Variants in ARHGEF4 observed in about 807,000 individuals in gnomAD.
ARHGEF4 encodes APC-stimulated guanine nucleotide exchange factor 1.
A neutral mutation model predicts 162.0 loss-of-function variants in ARHGEF4; 119 were observed. That is an observed-to-expected ratio of 0.73 (90% CI 0.63 to 0.86). The LOEUF (loss-of-function observed/expected upper bound fraction) is 0.86, where lower values mean the gene tolerates loss of function less well. Among genes scored for constraint, ARHGEF4 ranks in the 40% least tolerant of loss-of-function variants. The pLI, the probability that ARHGEF4 is intolerant of heterozygous loss-of-function variation, is 0.00. For missense variants in ARHGEF4, 2,488 were observed against 2,456.0 expected (o/e 1.01, Z -0.28); for synonymous variants, 1,014 against 979.9 (o/e 1.03, Z -0.65).
chr2:131,040,341 C>T lies in ARHGEF4; in HGVS notation c.4563C>T (p.Asp1521=). Reference sequence around the variant, plus strand: ...GTACCATCTTCGGGAACATCGAGGACATCTACCGCTGCCAGAAGGCCTTCG... The same window carrying T: ...GTACCATCTTCGGGAACATCGAGGATATCTACCGCTGCCAGAAGGCCTTCG... ...QLRTIFGNIE[D]IYRCQKAFVK... Residue 1521 remains aspartate, a synonymous_variant, in exon 8 of 14, where the codon GAC becomes GAT. Coordinates refer to ENST00000409359, the MANE Select transcript of ARHGEF4 (RefSeq NM_001367493.1). 6.2e-7 allele frequency: 1 copy of T among 1,612,492 alleles called. No homozygotes were observed. The highest frequency in any genetic ancestry group is 8.5e-7 in the Non-Finnish European group (1 of 1,179,698).
At chr2:130,985,595 T>C (rs1381506973) in intron 4 of ARHGEF4, among the ~76,000 whole-genome samples, 1 of 152,112 alleles carries the variant, frequency 6.6e-6, no homozygotes, top group Non-Finnish European at 1.5e-5. Context: ...TTTCAGTTCT[T>C]TGATACTTCC....
chr2:130,966,928 C>A (rs1200899892), intron 4 of ARHGEF4, among the ~76,000 whole-genome samples: 2 of 152,220 alleles, frequency 1.3e-5, no homozygotes, highest in African/African-American at 4.8e-5. Context: ...AGTCTAACGG[C>A]TGAGACAAAG....
chr2:130,908,944 G>A (rs1370889352), intron 1 of ARHGEF4, among the ~76,000 whole-genome samples: 1 of 152,180 alleles, frequency 6.6e-6, no homozygotes, highest in Non-Finnish European at 1.5e-5. Flanking sequence ...AACATCATAT[G>A]CCCTGAGGGA....
chr2:130,875,789 C>G (rs6430389), intron 1 of ARHGEF4, among the ~76,000 whole-genome samples: 11,562 of 152,180 alleles, frequency 0.076, 701 homozygotes, highest in African/African-American at 0.17. Context: ...AGTCTCATTT[C>G]TCTCCCTCCC....
At chr2:130,884,447 G>A (rs1333133923) in intron 1 of ARHGEF4, among the ~76,000 whole-genome samples, 1 of 152,088 alleles carries the variant, frequency 6.6e-6, no homozygotes, top group Non-Finnish European at 1.5e-5. Context: ...ATGTCTCAGT[G>A]TATTGTTTTG....
chr2:130,957,895 A>AT (rs374950342), intron 4 of ARHGEF4, among the ~76,000 whole-genome samples: 11 of 151,590 alleles, frequency 7.3e-5, no homozygotes, highest in Admixed American at 4.6e-4. Context: ...ATAAATTCCT[A>AT]TTTTTTTTAT....
At position 131,040,069 on chromosome 2, in the gene ARHGEF4, C is replaced by CAGCGG; in HGVS notation, c.4367_4371dup (p.Asp1458ArgfsTer75). 1 of 1,597,960 alleles carries CAGCGG rather than the reference C, an allele frequency of 6.3e-7. No homozygotes were observed. Among genetic ancestry groups the CAGCGG allele is most frequent in the Non-Finnish European group, 8.5e-7 (1 of 1,172,776 alleles). ...ATGACGACGCCCCTCTGGCCGGGAA[C>CAGCGG]AGCGGAGCGGAGGACGGCGGGGCGG... On this transcript the variant is annotated frameshift_variant, in exon 7 of 14. Coordinates refer to ENST00000409359, the MANE Select transcript of ARHGEF4 (RefSeq NM_001367493.1). LOFTEE classifies it high-confidence loss of function.
chr2:130,918,337 C>T (rs1465778638), intron 2 of ARHGEF4, among the ~76,000 whole-genome samples: 1 of 152,202 alleles, frequency 6.6e-6, no homozygotes. Flanking sequence ...TTAGCAGGGT[C>T]AGGCACAGAA....
intron 3 of ARHGEF4, among the ~76,000 whole-genome samples, chr2:130,933,144 G>A (rs989545557): frequency 4.6e-5 from 7 of 151,938 alleles, no homozygotes; most frequent in Admixed American, 3.3e-4. Flanking sequence ...GAACCTGGGA[G>A]GCAGAGGTCA....
intron 1 of ARHGEF4, among the ~76,000 whole-genome samples, chr2:130,846,472 G>T (rs1680969636): frequency 6.6e-6 from 1 of 152,210 alleles, no homozygotes; most frequent in South Asian, 2.1e-4. Flanking sequence ...GCACCCCCAG[G>T]CCAGCGCCCT....
intron 4 of ARHGEF4, among the ~76,000 whole-genome samples, chr2:130,994,885 C>A (rs1424180630): frequency 1.3e-5 from 2 of 152,172 alleles, no homozygotes; most frequent in East Asian, 3.8e-4. Flanking sequence ...ATTTCCATTG[C>A]TTCTGTTGAA....
chr2:130,886,850 T>C lies in ARHGEF4; in HGVS notation c.40-27136T>C, dbSNP rs553989374. Among the ~76,000 whole-genome samples, 12 of 152,116 alleles carry C rather than the reference T, an allele frequency of 7.9e-5. 3 individuals are homozygous for C. The highest frequency in any genetic ancestry group is 2.9e-4 in the African/African-American group (12 of 41,390). On this transcript the variant is annotated intron_variant, in intron 1 of 13. Transcript: ENST00000409359. ...AGTCACTTTTGGTAATTTTTTTTTTTGTAGATGGATATACAGTGTGTCCAG... is the reference window on the plus strand; with the variant it reads ...AGTCACTTTTGGTAATTTTTTTTTTCGTAGATGGATATACAGTGTGTCCAG...
intron 1 of ARHGEF4, among the ~76,000 whole-genome samples, chr2:130,842,352 G>A (rs531958326): frequency 1.3e-5 from 2 of 152,296 alleles, no homozygotes; most frequent in African/African-American, 4.8e-5. Flanking sequence ...TGTATAATGC[G>A]CCAGTCTGCA....
intron 4 of ARHGEF4, among the ~76,000 whole-genome samples, chr2:131,019,644 G>GTTTTTGT (rs147597527): frequency 7.9e-5 from 12 of 150,950 alleles, no homozygotes; most frequent in East Asian, 4.0e-4. Flanking sequence ...TTTTGTTTTT[G>GTTTTTGT]TTTTTTTGAG....
chr2:130,983,054 T>C (rs763074904), intron 4 of ARHGEF4, among the ~76,000 whole-genome samples: 7 of 152,214 alleles, frequency 4.6e-5, no homozygotes, highest in Non-Finnish European at 1.0e-4. Flanking sequence ...AAAGCTTTTT[T>C]AATTGGAAGC....
chr2:130,885,777 G>C (rs1220689551), intron 1 of ARHGEF4, among the ~76,000 whole-genome samples: 1 of 151,182 alleles, frequency 6.6e-6, no homozygotes, highest in African/African-American at 2.4e-5. Context: ...TCACCATGTT[G>C]GCCAGGCTGG....
At chr2:130,965,278 C>G (rs961146203) in intron 4 of ARHGEF4, among the ~76,000 whole-genome samples, 2 of 152,294 alleles carry the variant, frequency 1.3e-5, no homozygotes, top group East Asian at 3.9e-4. Flanking sequence ...GTTGAGAGCA[C>G]CTGGAATGAC....
chr2:130,891,883 A>T (rs1381674419), intron 1 of ARHGEF4, among the ~76,000 whole-genome samples: 1 of 152,206 alleles, frequency 6.6e-6, no homozygotes, highest in Non-Finnish European at 1.5e-5. Context: ...CAAAGCAGCC[A>T]TCGATAATAC....
At chr2:130,908,146 T>G (rs2105035495) in intron 1 of ARHGEF4, among the ~76,000 whole-genome samples, 1 of 152,312 alleles carries the variant, frequency 6.6e-6, no homozygotes, top group South Asian at 2.1e-4. Context: ...ATTTTGTAAT[T>G]CTCACTGTAG....
Sources: allele counts gnomAD v4.1 joint callset (sites outside exome capture counted in the v4.1 genomes callset), GRCh38; gene constraint gnomAD v4.1.1; transcripts MANE v1.5; gene names NCBI Gene and HGNC (gene_info 2026-07-23, HGNC 2026-07-21).